USO1: variants seen among roughly 807,000 people sequenced by gnomAD.
USO1 encodes USO1 vesicle transport factor, also known as general vesicular transport factor p115.
A neutral mutation model predicts 124.5 loss-of-function variants in USO1; 57 were observed. That is an observed-to-expected ratio of 0.46 (90% CI 0.37 to 0.57). The LOEUF (loss-of-function observed/expected upper bound fraction) is 0.57, where lower values mean the gene tolerates loss of function less well. Ranked by LOEUF, USO1 falls within the 20% of genes least tolerant of loss-of-function variation. USO1 has a pLI of 0.00. For synonymous variants in USO1, 369 were observed against 362.8 expected (o/e 1.02, Z -0.19); for missense variants, 900 against 1,040.6 (o/e 0.86, Z 1.86).
intron 12 of USO1, 29 bp downstream of exon 12, chr4:75,790,826 G>GA (rs755197270): frequency 9.9e-6 from 15 of 1,511,480 alleles, no homozygotes; most frequent in Non-Finnish European, 1.1e-5. Context: ...ATTTTTATTT[G>GA]AAAAAGTAAA....
chr4:75,790,746 C>A lies in USO1; in HGVS notation c.1189C>A (p.Gln397Lys). 1 of 1,611,634 alleles carries A rather than the reference C, an allele frequency of 6.2e-7. No individual in the cohort carries two copies. Among genetic ancestry groups the A allele is most frequent in the Admixed American group, 1.7e-5 (1 of 59,630 alleles). ...TTTCCAGTGTTTCTTGTATAAAAAC[C>A]AAAAAGGACAAGGAGAAATCGTGTC... ...YCFQCFLYKN[Q>K]KGQGEIVSTL... Residue 397 changes from glutamine to lysine, a missense_variant, in exon 12 of 24, where the codon CAA (glutamine) becomes AAA (lysine). Physicochemically the swap from Gln to Lys is moderately conservative, Grantham distance 53 (BLOSUM62 1). This residue lies in a region of USO1 where 538 missense variants were observed against 681.6 expected (regional missense o/e 0.79). Transcript: ENST00000514213.
At chr4:75,769,291 TATAAG>T (rs1322207930) in intron 4 of USO1, among the ~76,000 whole-genome samples, 3 of 152,178 alleles carry the variant, frequency 2.0e-5, no homozygotes, top group East Asian at 1.9e-4. Flanking sequence ...CTTTTACTGA[TATAAG>T]AGATGATTAA....
At chr4:75,769,629 G>A (rs1035601058) in intron 4 of USO1, among the ~76,000 whole-genome samples, 3 of 152,094 alleles carry the variant, frequency 2.0e-5, no homozygotes, top group South Asian at 2.1e-4. Flanking sequence ...GCTGTGTCTG[G>A]TGTGAGTGAG....
At chr4:75,779,660 G>A (rs1722165331) in intron 8 of USO1, among the ~76,000 whole-genome samples, 1 of 152,220 alleles carries the variant, frequency 6.6e-6, no homozygotes, top group African/African-American at 2.4e-5. Flanking sequence ...AGGAAAGTTG[G>A]AAGAATGGAT....
At chr4:75,782,572 C>A in intron 8 of USO1, 108 bp from the exon 9 acceptor site, 1 of 1,383,352 alleles carries the variant, frequency 7.2e-7, no homozygotes, top group Non-Finnish European at 9.5e-7. Flanking sequence ...TCTGCCTGGC[C>A]ATATTGAAGA....
chr4:75,807,834 T>G (rs1214383531), intron 20 of USO1, among the ~76,000 whole-genome samples: 1 of 152,100 alleles, frequency 6.6e-6, no homozygotes, highest in Non-Finnish European at 1.5e-5. Context: ...AGAATTGCCT[T>G]TTAGTTTTTT....
chr4:75,781,507 A>G (rs1363485899), intron 8 of USO1, among the ~76,000 whole-genome samples: 1 of 152,192 alleles, frequency 6.6e-6, no homozygotes, highest in East Asian at 1.9e-4. Context: ...TTTTTTAGCA[A>G]TGAAATATTT....
At chr4:75,806,650 T>G in intron 20 of USO1, 78 bp downstream of exon 20, 1 of 1,489,926 alleles carries the variant, frequency 6.7e-7, no homozygotes, top group Non-Finnish European at 8.9e-7. Context: ...GTTTCACAAA[T>G]CTAGAACTAT....
Position 75,770,914 on chromosome 4 carries a change from C to G in USO1, c.489C>G (p.Val163=). The G allele has an allele frequency of 6.2e-7, 1 of 1,613,370 alleles. No homozygotes were observed. Among genetic ancestry groups the G allele is most frequent in the Non-Finnish European group, 8.5e-7 (1 of 1,179,704 alleles). ...LGPQVQQIIL[V]SPMGVSRLMD... Reference sequence around the variant, plus strand: ...CTCAGGTGCAACAAATTATTTTAGTCAGTCCTATGGGTAAGTGACTTATCT... The same window carrying G: ...CTCAGGTGCAACAAATTATTTTAGTGAGTCCTATGGGTAAGTGACTTATCT... The change falls in exon 6 of 24, where the codon GTC becomes GTG. Residue 163 remains valine, a synonymous_variant. Coordinates refer to ENST00000514213, the MANE Select transcript of USO1 (RefSeq NM_003715.4).
At position 75,724,828 on chromosome 4, in the gene USO1, C is replaced by T. The variant is rs776950393; in HGVS notation, c.9C>T (p.Phe3=). The T allele has an allele frequency of 1.2e-5, 20 of 1,613,678 alleles. No homozygotes were observed. The highest frequency in any genetic ancestry group is 1.7e-5 in the Non-Finnish European group (20 of 1,179,820). The part of the protein sequence containing the change: MN[F]LRGVMGGQSA... ...GGTGGCTGAACGGCAAGATGAATTT[C>T]CTCCGCGGGGTAATGGGGGGTCAGA... Residue 3 remains phenylalanine (F), a synonymous_variant, in exon 1 of 24, where the codon TTC becomes TTT. Transcript: ENST00000514213.
At chr4:75,728,327 T>A (rs1321884186) in intron 1 of USO1, among the ~76,000 whole-genome samples, 4 of 152,202 alleles carry the variant, frequency 2.6e-5, no homozygotes, top group Non-Finnish European at 4.4e-5. Flanking sequence ...AACTTTGGAC[T>A]GATATTAAGA....
chr4:75,771,217 T>G, intron 7 of USO1, 80 bp downstream of exon 7: 1 of 1,452,056 alleles, frequency 6.9e-7, no homozygotes, highest in Non-Finnish European at 9.2e-7. Flanking sequence ...TGTTGAGTTT[T>G]AGGAAATTAG....
intron 12 of USO1, among the ~76,000 whole-genome samples, chr4:75,791,266 G>A (rs955724761): frequency 6.6e-5 from 10 of 152,228 alleles, no homozygotes; most frequent in Non-Finnish European, 1.0e-4. Context: ...GCTCACGCCC[G>A]TAATCCCAAC....
chr4:75,736,917 A>G (rs1444619053), intron 1 of USO1, among the ~76,000 whole-genome samples: 3 of 152,210 alleles, frequency 2.0e-5, no homozygotes, highest in Admixed American at 2.0e-4. Context: ...TTGTTAATAT[A>G]TAGTATTCTG....
At chr4:75,791,148 A>C (rs775131080) in intron 12 of USO1, among the ~76,000 whole-genome samples, 180 of 152,216 alleles carry the variant, frequency 1.2e-3, no homozygotes, top group Non-Finnish European at 5.4e-4. Context: ...CATGCATTAC[A>C]TTACATAAAG....
In USO1 at chr4:75,790,297, G is replaced by A. The variant is rs181740587; in HGVS notation, c.1085+59G>A. 1,263 of 1,542,942 alleles carry A rather than the reference G, an allele frequency of 8.2e-4. 16 individuals are homozygous for A. Among genetic ancestry groups the A allele is most frequent in the Non-Finnish European group, 2.1e-4 (244 of 1,143,044 alleles). On this transcript the variant is annotated intron_variant, in intron 11 of 23. Coordinates refer to ENST00000514213, the MANE Select transcript of USO1 (RefSeq NM_003715.4). ...GAAGTAAAAACTTTGGGTTGTTAAT[G>A]TATCTCATATACACATCTTACTCTT...
chr4:75,798,692 C>T (rs1211132347), intron 13 of USO1, among the ~76,000 whole-genome samples: 3 of 151,970 alleles, frequency 2.0e-5, no homozygotes, highest in Admixed American at 1.3e-4. Context: ...AGAAATTTTT[C>T]GGAACACAGT....
rs1275876990 is a variant in USO1 at position 75,752,411 on chromosome 4, A to G, written c.105A>G (p.Leu35=). 2 of 398,166 alleles carry G rather than the reference A, an allele frequency of 5.0e-6. No individual in the cohort carries two copies. The highest frequency in any genetic ancestry group is 3.6e-5 in the East Asian group (1 of 28,024). 24.7% of individuals were successfully genotyped at this position (398,166 alleles called of 1,614,324 possible). A position where few individuals can be genotyped will look rare whatever the true frequency, so the allele number is the denominator to read the frequency against. Residue 35 remains leucine, a synonymous_variant, in exon 2 of 24, where the codon TTA becomes TTG. Coordinates refer to ENST00000514213, the MANE Select transcript of USO1 (RefSeq NM_003715.4). ...GTGACAGAGTAGCTTCATCTACTTTATTGGATGATCGAAGAAATGCTGTTC... is the reference window on the plus strand; with the variant it reads ...GTGACAGAGTAGCTTCATCTACTTTGTTGGATGATCGAAGAAATGCTGTTC... The part of the protein sequence containing the change: ...KLCDRVASST[L]LDDRRNAVRA...
At chr4:75,757,691 T>A (rs1721486947) in intron 4 of USO1, 118 bp downstream of exon 4, 1 of 1,017,306 alleles carries the variant, frequency 9.8e-7, no homozygotes, top group African/African-American at 1.7e-5. Context: ...TTTACTTTTT[T>A]CATTAAAAAA....
Sources: allele counts gnomAD v4.1 joint callset (sites outside exome capture counted in the v4.1 genomes callset), GRCh38; gene constraint gnomAD v4.1.1; regional missense constraint gnomAD v4.1.1; transcripts MANE v1.5; gene names NCBI Gene and HGNC (gene_info 2026-07-23, HGNC 2026-07-21).